Variants in TMEM161B observed in about 807,000 individuals in gnomAD.
The protein encoded by TMEM161B is transmembrane protein 161B.
In TMEM161B, 34 loss-of-function variants were observed where a neutral mutation model predicts 61.8. That is an observed-to-expected ratio of 0.55 (90% CI 0.42 to 0.73). TMEM161B has a LOEUF of 0.73. TMEM161B is among the 30% of genes least tolerant of loss of function. TMEM161B has a pLI of 0.00. For missense variants in TMEM161B, 456 were observed against 558.5 expected, an observed-to-expected ratio of 0.82 and a Z score of 1.85; for synonymous variants, 167 against 192.8, an observed-to-expected ratio of 0.87 and a Z score of 1.11.
chr5:88,262,770 T>C (rs1755841775), intron 1 of TMEM161B, among the ~76,000 whole-genome samples: 1 of 152,096 alleles, frequency 6.6e-6, no homozygotes, highest in South Asian at 2.1e-4. Flanking sequence ...GATTCATCAA[T>C]TGTAAGAAAT....
chr5:88,268,672 G>A (rs751140773), intron 1 of TMEM161B, 49 bp downstream of exon 1: 17 of 1,613,268 alleles, frequency 1.1e-5, no homozygotes, highest in Non-Finnish European at 1.4e-5. Context: ...TGACCTCCCC[G>A]CCCTTTTCGC....
intron 5 of TMEM161B, among the ~76,000 whole-genome samples, chr5:88,217,851 A>C (rs1202539576): frequency 6.6e-6 from 1 of 151,396 alleles, no homozygotes; most frequent in Non-Finnish European, 1.5e-5. Context: ...AAAGCCTGTG[A>C]TGTGAAAGAC....
intron 1 of TMEM161B, chr5:88,259,220 A>G (rs896215145): frequency 1.3e-5 from 2 of 152,216 alleles, no homozygotes; most frequent in Non-Finnish European, 2.9e-5. Flanking sequence ...AAGTAAGTAA[A>G]TAAGTAAATA....
intron 2 of TMEM161B, among the ~76,000 whole-genome samples, chr5:88,235,126 A>G (rs1034473367): frequency 2.6e-5 from 4 of 152,186 alleles, no homozygotes; most frequent in South Asian, 2.1e-4. Context: ...ACTCTTACTA[A>G]AACAGTTCAA....
At chr5:88,229,477 CT>C (rs1219295850) in intron 2 of TMEM161B, among the ~76,000 whole-genome samples, 4 of 110,038 alleles carry the variant, frequency 3.6e-5, no homozygotes, top group Non-Finnish European at 7.3e-5. Flanking sequence ...CTGAGCTTAC[CT>C]CTAGTTATTG....
intron 1 of TMEM161B, among the ~76,000 whole-genome samples, chr5:88,246,660 A>G (rs899610625): frequency 1.3e-5 from 2 of 152,026 alleles, no homozygotes; most frequent in Non-Finnish European, 2.9e-5. Flanking sequence ...ATTTAGTGTC[A>G]CTGTATAAGT....
At chr5:88,237,550 C>T (rs910694776) in intron 2 of TMEM161B, among the ~76,000 whole-genome samples, 9 of 152,066 alleles carry the variant, frequency 5.9e-5, no homozygotes, top group Non-Finnish European at 1.2e-4. Context: ...AACTGAGAAA[C>T]TTCCATTAAT....
chr5:88,236,522 T>C (rs1427483101), intron 2 of TMEM161B, among the ~76,000 whole-genome samples: 2 of 152,194 alleles, frequency 1.3e-5, no homozygotes, highest in Non-Finnish European at 2.9e-5. Context: ...CAGTGGTATA[T>C]GGGACATGAT....
Position 88,207,054 on chromosome 5 carries a change from A to T in TMEM161B, c.573T>A (p.Asn191Lys). The stretch of plus-strand genomic sequence containing the variant: ...CTGTTTCAAGTCCAAATTCCAGATA[A>T]TTTTCTGTTACAATCAACACTGCCA... ...KAMAVLIVTE[N>K]YLEFGLETGF... Residue 191 changes from asparagine (N) to lysine (K), a missense_variant, in exon 6 of 12, where the codon AAT becomes AAA. By Grantham distance (94) the Asn-to-Lys change is moderately conservative (BLOSUM62 0). This residue lies in a region of TMEM161B where 367 missense variants were observed against 427.3 expected (regional missense o/e 0.86). Transcript: ENST00000296595. 1 of 1,612,096 alleles carries T rather than the reference A, an allele frequency of 6.2e-7. No homozygotes were observed. Among genetic ancestry groups the T allele is most frequent in the Non-Finnish European group, 8.5e-7 (1 of 1,179,448 alleles).
At chr5:88,229,192 A>C (rs565576479) in intron 2 of TMEM161B, among the ~76,000 whole-genome samples, 1 of 152,318 alleles carries the variant, frequency 6.6e-6, no homozygotes, top group African/African-American at 2.4e-5. Flanking sequence ...CCAAGCACCA[A>C]GTGGCTCATC....
intron 4 of TMEM161B, among the ~76,000 whole-genome samples, chr5:88,225,374 C>T (rs1002345766): frequency 2.0e-5 from 3 of 152,124 alleles, no homozygotes; most frequent in African/African-American, 7.2e-5. Context: ...CTCGATTTTT[C>T]AACTGCATAA....
In TMEM161B at chr5:88,197,661, A is replaced by G. The variant is rs547219619; in HGVS notation, c.1186+8T>C. 25 of 1,609,264 alleles carry G rather than the reference A, an allele frequency of 1.6e-5. No individual in the cohort carries two copies. The East Asian group carries it at 5.4e-4, about 35-fold the overall frequency. On this transcript the variant is annotated splice_region_variant and intron_variant, in intron 11 of 11. Coordinates refer to ENST00000296595, the MANE Select transcript of TMEM161B (RefSeq NM_153354.5). ...AAAGATGCTTCCTAGTTGCCAGGGC[A>G]TGCCTACCTAGTGTTTTCAAAAGCA...
At chr5:88,266,992 C>G (rs973766439) in intron 1 of TMEM161B, among the ~76,000 whole-genome samples, 3 of 152,212 alleles carry the variant, frequency 2.0e-5, no homozygotes, top group Non-Finnish European at 1.5e-5. Context: ...GATTCTACTT[C>G]TAGTATTCCA....
intron 2 of TMEM161B, among the ~76,000 whole-genome samples, chr5:88,233,701 T>C (rs1032846517): frequency 1.1e-4 from 17 of 152,124 alleles, no homozygotes; most frequent in Admixed American, 9.8e-4. Flanking sequence ...AAGTAAGCAA[T>C]AAAGGATAAT....
chr5:88,191,990 ATATATATATATATATATATATATATATAT>A, downstream of TMEM161B, among the ~76,000 whole-genome samples: 1 of 20,524 alleles, frequency 4.9e-5, no homozygotes, highest in African/African-American at 1.5e-4. Context: ...GTGTATATAT[ATATATATATATATATATATATATATATAT>A]ATATATATGT....
chr5:88,229,733 A>C (rs1223073800), intron 2 of TMEM161B, among the ~76,000 whole-genome samples: 3 of 150,156 alleles, frequency 2.0e-5, no homozygotes, highest in Non-Finnish European at 4.4e-5. Context: ...TTTAAATTTG[A>C]AATTTCCCAA....
At chr5:88,223,177 G>A (rs1360044796) in intron 4 of TMEM161B, among the ~76,000 whole-genome samples, 4 of 149,246 alleles carry the variant, frequency 2.7e-5, no homozygotes, top group African/African-American at 9.9e-5. Flanking sequence ...TCACTAAATG[G>A]CTGTACCACA....
chr5:88,266,003 T>C (rs540037051), intron 1 of TMEM161B, among the ~76,000 whole-genome samples: 3 of 152,360 alleles, frequency 2.0e-5, no homozygotes, highest in Admixed American at 6.5e-5. Context: ...AAAAGGAAAG[T>C]GCAATAGAGC....
intron 5 of TMEM161B, among the ~76,000 whole-genome samples, chr5:88,211,983 T>A (rs1273399583): frequency 6.6e-6 from 1 of 152,126 alleles, no homozygotes; most frequent in Admixed American, 6.5e-5. Context: ...GTAAAAAAGA[T>A]CCTCATGAGG....
Sources: allele counts gnomAD v4.1 joint callset (sites outside exome capture counted in the v4.1 genomes callset), GRCh38; gene constraint gnomAD v4.1.1; regional missense constraint gnomAD v4.1.1; transcripts MANE v1.5; gene names NCBI Gene and HGNC (gene_info 2026-07-23, HGNC 2026-07-21).